EML6: variants seen among roughly 807,000 people sequenced by gnomAD.
The protein encoded by EML6 is EMAP like 6.
EML6 carries 154 observed loss-of-function variants against 240.1 expected under a neutral mutation model. The observed-to-expected ratio is 0.64, with a 90% confidence interval of 0.56 to 0.73. The LOEUF (loss-of-function observed/expected upper bound fraction) is 0.73. Ranked by LOEUF, EML6 falls within the 30% of genes least tolerant of loss-of-function variation. EML6 has a pLI of 0.00. For missense variants in EML6, 2,964 were observed against 2,474.6 expected (o/e 1.20, Z -4.20); for synonymous variants, 1,148 against 899.0 (o/e 1.28, Z -4.95).
intron 2 of EML6, among the ~76,000 whole-genome samples, chr2:54,745,837 G>A (rs1289197594): frequency 6.6e-6 from 1 of 152,176 alleles, no homozygotes; most frequent in Non-Finnish European, 1.5e-5. Context: ...TTTAACTACT[G>A]AGGAGAGGAG....
chr2:54,866,941 C>A, intron 14 of EML6, 57 bp downstream of exon 14: 2 of 1,019,820 alleles, frequency 2.0e-6, no homozygotes, highest in Non-Finnish European at 3.0e-6. Context: ...CTGGCTGTCA[C>A]CAACCTTAGC....
At chr2:54,851,006 ATTAT>A (rs1670052433) in intron 10 of EML6, among the ~76,000 whole-genome samples, 1 of 152,344 alleles carries the variant, frequency 6.6e-6, no homozygotes, top group Non-Finnish European at 1.5e-5. Context: ...AAAATTCTGT[ATTAT>A]TTATGACCAT....
chr2:54,907,359 C>T (rs1244003605), intron 24 of EML6, among the ~76,000 whole-genome samples: 2 of 151,950 alleles, frequency 1.3e-5, no homozygotes, highest in Non-Finnish European at 2.9e-5. Context: ...TTACAAAAAT[C>T]AGCCAGGTGT....
intron 19 of EML6, among the ~76,000 whole-genome samples, chr2:54,893,795 G>A (rs906333093): frequency 6.6e-6 from 1 of 152,116 alleles, no homozygotes; most frequent in African/African-American, 2.4e-5. Flanking sequence ...GTAGGTTCTT[G>A]TTAGGTATGC....
At chr2:54,861,456 A>G (rs541909382) in intron 12 of EML6, among the ~76,000 whole-genome samples, 1 of 152,190 alleles carries the variant, frequency 6.6e-6, no homozygotes, top group African/African-American at 2.4e-5. Context: ...CAGATTCTCT[A>G]CCTGGCTTAG....
intron 3 of EML6, among the ~76,000 whole-genome samples, chr2:54,815,788 T>G (rs910452446): frequency 2.0e-5 from 3 of 152,308 alleles, no homozygotes; most frequent in African/African-American, 7.2e-5. Context: ...ATGTATACAT[T>G]TAACCATATG....
At chr2:54,960,024 G>T (rs916505819) in intron 34 of EML6, among the ~76,000 whole-genome samples, 196 bp from the exon 35 acceptor site, 1 of 152,214 alleles carries the variant, frequency 6.6e-6, no homozygotes, top group African/African-American at 2.4e-5. Flanking sequence ...AAATCTGCAA[G>T]CTCAGGAGGT....
rs576842183 is a variant in EML6, at chr2:54,789,513, C to CAAAAAAAAAAAAAA, written c.198-23697_198-23684dup. On this transcript the variant is annotated intron_variant, in intron 2 of 41. Coordinates refer to ENST00000356458, the MANE Select transcript of EML6 (RefSeq NM_001039753.4). ...TGGGCCACAGAGCGAGACTTCGTCT[C>CAAAAAAAAAAAAAA]AAAAAAAAAAAAAAAAAAAAAAAAA... Among the ~76,000 whole-genome samples, 51 of 77,878 alleles carry CAAAAAAAAAAAAAA rather than the reference C, an allele frequency of 6.5e-4. 1 individual carries two copies. The highest frequency in any genetic ancestry group is 1.0e-3 in the East Asian group (3 of 2,912). 51.1% of individuals were successfully genotyped at this position (77,878 alleles called of 152,430 possible). A position where few individuals can be genotyped will look rare whatever the true frequency, so the allele number is the denominator to read the frequency against.
intron 14 of EML6, chr2:54,867,594 A>T (rs1235213838): frequency 6.6e-6 from 1 of 152,210 alleles, no homozygotes; most frequent in Non-Finnish European, 1.5e-5. Context: ...TCTCTACAAA[A>T]AACTAGCCAG....
chr2:54,958,096 C>T, intron 33 of EML6, 98 bp downstream of exon 33: 1 of 1,082,346 alleles, frequency 9.2e-7, no homozygotes, highest in Non-Finnish European at 1.3e-6. Context: ...AGGCTGAAAA[C>T]AGCAGGAAAG....
intron 34 of EML6, among the ~76,000 whole-genome samples, 161 bp from the exon 35 acceptor site, chr2:54,960,059 A>G (rs1450191725): frequency 6.6e-6 from 1 of 152,206 alleles, no homozygotes; most frequent in African/African-American, 2.4e-5. Flanking sequence ...ACCAGGGCCT[A>G]AGAGAGAGGC....
intron 2 of EML6, among the ~76,000 whole-genome samples, chr2:54,800,100 C>T (rs989086098): frequency 1.1e-4 from 17 of 152,236 alleles, no homozygotes; most frequent in African/African-American, 3.9e-4. Flanking sequence ...CAAAAATTAG[C>T]TGGGTGTGGT....
rs1172052529 is a variant in EML6, at chr2:54,968,719, T to C, written c.5803T>C (p.Phe1935Leu). 2 of 1,551,442 alleles carry C rather than the reference T, an allele frequency of 1.3e-6. No homozygotes were observed. The highest frequency in any genetic ancestry group is 1.7e-6 in the Non-Finnish European group (2 of 1,146,690). The change falls in exon 41 of 42, where the codon TTC becomes CTC. Residue 1935 changes from phenylalanine to leucine, a missense_variant. Coordinates refer to ENST00000356458, the MANE Select transcript of EML6 (RefSeq NM_001039753.4). The part of the protein sequence containing the change: ...GHSAHVTNIR[F>L]SYDDKYVVST... Reference sequence around the variant, plus strand: ...CTCGGCTCACGTGACGAACATCCGTTTCTCTTATGATGACAAGTATGTGGT... The same window carrying C: ...CTCGGCTCACGTGACGAACATCCGTCTCTCTTATGATGACAAGTATGTGGT...
chr2:54,842,420 A>G (rs1306854532), intron 7 of EML6, among the ~76,000 whole-genome samples: 1 of 152,214 alleles, frequency 6.6e-6, no homozygotes, highest in African/African-American at 2.4e-5. Context: ...AGGCGTTCTA[A>G]TTGGAATGAC....
At chr2:54,870,304 A>G (rs1671184888) in intron 15 of EML6, among the ~76,000 whole-genome samples, 1 of 149,942 alleles carries the variant, frequency 6.7e-6, no homozygotes, top group Non-Finnish European at 1.5e-5. Context: ...TGGGGGAAAA[A>G]GGATCCATAG....
Position 54,954,051 on chromosome 2 carries a change from C to A in EML6, c.4381C>A (p.His1461Asn). ...CACCCTCTCCATGCTGCGGTGCTTC[C>A]ACTCCAAGGGGGTGAATTACATCAA... Reference protein sequence around the residue: ...KHTLSMLRCFHSKGVNYINFS... With the variant: ...KHTLSMLRCFNSKGVNYINFS... The change falls in exon 32 of 42, where the codon CAC becomes AAC. Residue 1461 changes from histidine to asparagine, a missense_variant. By Grantham distance (68) the His-to-Asn change is moderately conservative. Transcript: ENST00000356458. The A allele has an allele frequency of 6.4e-7, 1 of 1,552,020 alleles. No homozygotes were observed. The highest frequency in any genetic ancestry group is 8.7e-7 in the Non-Finnish European group (1 of 1,147,034).
At chr2:54,850,339 C>A in intron 10 of EML6, 121 bp downstream of exon 10, 1 of 841,018 alleles carries the variant, frequency 1.2e-6, no homozygotes, top group Non-Finnish European at 1.8e-6. Flanking sequence ...TGGTTTTTGC[C>A]GGAAAGCACC....
intron 2 of EML6, among the ~76,000 whole-genome samples, chr2:54,808,145 C>T (rs6545443): frequency 0.14 from 21,763 of 152,064 alleles, 1,698 homozygotes; most frequent in East Asian, 0.22. Context: ...CCTGTTTGTG[C>T]TGCCCAAGCC....
At chr2:54,857,933 C>T (rs1283067872) in intron 11 of EML6, among the ~76,000 whole-genome samples, 1 of 152,174 alleles carries the variant, frequency 6.6e-6, no homozygotes, top group Non-Finnish European at 1.5e-5. Flanking sequence ...GGTTCTAGTT[C>T]CAGCTTACAA....
Sources: gnomAD v4.1 joint callset for allele counts (sites outside exome capture counted in the v4.1 genomes callset) on GRCh38, gnomAD v4.1.1 for gene constraint, MANE v1.5 for transcripts, NCBI Gene and HGNC (gene_info 2026-07-23, HGNC 2026-07-21) for gene names.